Variants in CEP126 observed in about 807,000 individuals in gnomAD.
CEP126 encodes the protein centrosomal protein of 126 kDa.
A neutral mutation model predicts 107.8 loss-of-function variants in CEP126; 74 were observed. The observed-to-expected ratio is 0.69, with a 90% CI of 0.57 to 0.83. The LOEUF (loss-of-function observed/expected upper bound fraction) is 0.83. CEP126 is among the 40% of genes least tolerant of loss of function. The probability of loss-of-function intolerance (pLI) is 0.00; values close to 1 mark genes in which losing one functional copy is unlikely to be tolerated. For synonymous variants in CEP126, 449 were observed against 446.0 expected, an observed-to-expected ratio of 1.01 and a Z score of -0.08; for missense variants, 1,237 against 1,281.9, an observed-to-expected ratio of 0.96 and a Z score of 0.53.
chr11:101,929,201 T>G (rs886699372), intron 2 of CEP126, among the ~76,000 whole-genome samples: 1 of 152,248 alleles, frequency 6.6e-6, no homozygotes, highest in African/African-American at 2.4e-5. Flanking sequence ...CTAACATTCC[T>G]GTCATCTTGA....
intron 1 of CEP126, chr11:101,916,054 G>T (rs1193783598): frequency 6.6e-6 from 1 of 152,214 alleles, no homozygotes; most frequent in African/African-American, 2.4e-5. Context: ...GTAGAAAATG[G>T]AAAGAGGAGA....
intron 7 of CEP126, among the ~76,000 whole-genome samples, chr11:101,981,502 C>G (rs1941253860): frequency 6.6e-6 from 1 of 152,064 alleles, no homozygotes; most frequent in African/African-American, 2.4e-5. Flanking sequence ...ACCGTGTTAG[C>G]CAGGATGGTC....
chr11:101,973,615 T>G (rs1325100247), intron 6 of CEP126, among the ~76,000 whole-genome samples: 1 of 152,194 alleles, frequency 6.6e-6, no homozygotes, highest in Non-Finnish European at 1.5e-5. Context: ...GGCACACATC[T>G]ATCTGTGTAA....
chr11:101,989,035 G>C (rs561464656), intron 9 of CEP126, among the ~76,000 whole-genome samples: 3 of 151,944 alleles, frequency 2.0e-5, no homozygotes, highest in Non-Finnish European at 2.9e-5. Flanking sequence ...GTAAGTAAAC[G>C]TACAACCTTT....
intron 10 of CEP126, among the ~76,000 whole-genome samples, chr11:101,993,228 G>T (rs1168589239): frequency 6.6e-6 from 1 of 152,070 alleles, no homozygotes; most frequent in East Asian, 1.9e-4. Context: ...GGCCTCAAGT[G>T]GGCCCCAGTG....
chr11:101,948,237 T>C (rs1374455479), intron 4 of CEP126, 95 bp downstream of exon 4: 2 of 628,992 alleles, frequency 3.2e-6, no homozygotes, highest in African/African-American at 1.8e-5. Flanking sequence ...CTACTCCTCA[T>C]CTGTGTTTTA....
chr11:101,959,906 T>A (rs1940949721), intron 5 of CEP126, among the ~76,000 whole-genome samples: 1 of 152,142 alleles, frequency 6.6e-6, no homozygotes, highest in South Asian at 2.1e-4. Flanking sequence ...TGTGAGACCA[T>A]ATAAAGCCAT....
intron 2 of CEP126, among the ~76,000 whole-genome samples, chr11:101,938,130 G>A (rs1376763857): frequency 7.3e-5 from 8 of 109,390 alleles, no homozygotes; most frequent in East Asian, 3.6e-4. Context: ...TCCGCAGTCC[G>A]GCCTGGGCGA....
intron 3 of CEP126, among the ~76,000 whole-genome samples, chr11:101,947,809 T>C (rs938857947): frequency 1.3e-5 from 2 of 152,180 alleles, no homozygotes; most frequent in African/African-American, 4.8e-5. Context: ...GTCTCTTTTT[T>C]CCTGATAAAT....
intron 3 of CEP126, among the ~76,000 whole-genome samples, chr11:101,947,290 A>G (rs1940749154): frequency 6.6e-6 from 1 of 152,214 alleles, no homozygotes; most frequent in African/African-American, 2.4e-5. Context: ...TATACTATAG[A>G]TACCATGTAT....
chr11:101,965,276 G>A (rs1348422050), intron 6 of CEP126, among the ~76,000 whole-genome samples: 2 of 152,016 alleles, frequency 1.3e-5, no homozygotes, highest in African/African-American at 4.8e-5. Context: ...TTTTCCAAAG[G>A]TATGAATAAA....
At chr11:101,975,026 T>C (rs911546257) in intron 6 of CEP126, among the ~76,000 whole-genome samples, 1 of 152,160 alleles carries the variant, frequency 6.6e-6, no homozygotes, top group African/African-American at 2.4e-5. Context: ...TTATGCAAGG[T>C]GTTTAAAGCT....
At chr11:101,954,445 T>C (rs1940857052) in intron 4 of CEP126, among the ~76,000 whole-genome samples, 2 of 152,214 alleles carry the variant, frequency 1.3e-5, no homozygotes, top group African/African-American at 4.8e-5. Context: ...ACAACTTTGC[T>C]TTCCCTGCAG....
chr11:101,991,302 AT>A (rs1941378393), intron 9 of CEP126, among the ~76,000 whole-genome samples: 1 of 152,164 alleles, frequency 6.6e-6, no homozygotes, highest in Non-Finnish European at 1.5e-5. Context: ...GGATATACTC[AT>A]TTCAAGACAC....
At chr11:101,919,741 C>T (rs1273316264) in intron 1 of CEP126, among the ~76,000 whole-genome samples, 1 of 152,108 alleles carries the variant, frequency 6.6e-6, no homozygotes, top group East Asian at 1.9e-4. Flanking sequence ...ACATTACAAA[C>T]ATTACATTTG....
chr11:101,915,029 A>G lies in CEP126; in HGVS notation c.-256A>G, dbSNP rs1487505077. On this transcript the variant is annotated 5_prime_UTR_variant, in exon 1 of 11. Transcript: ENST00000263468. Reference sequence around the variant, plus strand: ...AAGGACGCGCCGTCGGTTGTTGTCAAGATGGCGGCTGCAGGGTTGCTGCCG... The same window carrying G: ...AAGGACGCGCCGTCGGTTGTTGTCAGGATGGCGGCTGCAGGGTTGCTGCCG... The G allele has an allele frequency of 2.3e-6, 1 of 430,522 alleles. No individual in the cohort carries two copies. Among genetic ancestry groups the G allele is most frequent in the Non-Finnish European group, 4.1e-6 (1 of 243,314 alleles). The allele number at this position is 430,522 out of a possible 1,614,324, so 26.7% of individuals were successfully genotyped here. A position where few individuals can be genotyped will look rare whatever the true frequency, so the allele number is the denominator to read the frequency against.
At chr11:101,979,152 T>C (rs1025303268) in intron 7 of CEP126, among the ~76,000 whole-genome samples, 1 of 151,574 alleles carries the variant, frequency 6.6e-6, no homozygotes, top group Non-Finnish European at 1.5e-5. Flanking sequence ...AAAAAAAGCA[T>C]GCTAATCATA....
chr11:101,935,752 A>G (rs1209712185), intron 2 of CEP126, among the ~76,000 whole-genome samples: 1 of 152,118 alleles, frequency 6.6e-6, no homozygotes, highest in Non-Finnish European at 1.5e-5. Context: ...TACTATTGAC[A>G]TTGTGGATGA....
intron 1 of CEP126, among the ~76,000 whole-genome samples, chr11:101,920,287 A>G (rs1940302629): frequency 6.6e-6 from 1 of 152,192 alleles, no homozygotes; most frequent in Non-Finnish European, 1.5e-5. Context: ...TATAATATTG[A>G]TGCTGAAGCA....
Sources: allele counts gnomAD v4.1 joint callset (sites outside exome capture counted in the v4.1 genomes callset), GRCh38; gene constraint gnomAD v4.1.1; transcripts MANE v1.5; gene names NCBI Gene and HGNC (gene_info 2026-07-23, HGNC 2026-07-21).